Variants in DLGAP1 observed in about 807,000 individuals in gnomAD.
The protein encoded by DLGAP1 is disks large-associated protein 1.
DLGAP1 carries 11 observed loss-of-function variants against 90.8 expected under a neutral mutation model. The observed-to-expected ratio is 0.12, with a 90% CI of 0.08 to 0.20. The LOEUF is 0.20. Ranked by LOEUF, DLGAP1 falls within the 10% of genes least tolerant of loss-of-function variation. The probability of loss-of-function intolerance (pLI) is 1.00; values close to 1 mark genes in which losing one functional copy is unlikely to be tolerated. For synonymous variants in DLGAP1, 558 were observed against 540.7 expected (o/e 1.03, Z -0.44); for missense variants, 1,050 against 1,333.8 (o/e 0.79, Z 3.31).
At chr18:4,199,557 T>C (rs2077568939) in intron 1 of DLGAP1, among the ~76,000 whole-genome samples, 1 of 152,218 alleles carries the variant, frequency 6.6e-6, no homozygotes, top group African/African-American at 2.4e-5. Flanking sequence ...TTCTGGCATA[T>C]GTGAACTGGG....
At chr18:3,889,426 T>C (rs111230603) in intron 3 of DLGAP1, among the ~76,000 whole-genome samples, 19 of 152,238 alleles carry the variant, frequency 1.2e-4, no homozygotes, top group African/African-American at 4.6e-4. Flanking sequence ...TGCATATATA[T>C]ATATATATTT....
intron 2 of DLGAP1, among the ~76,000 whole-genome samples, chr18:4,011,679 C>T (rs2074425210): frequency 6.6e-6 from 1 of 151,974 alleles, no homozygotes; most frequent in South Asian, 2.1e-4. Context: ...AAAAAATTAG[C>T]TGGATGTGGT....
chr18:3,706,061 A>G (rs1428596604), intron 7 of DLGAP1, among the ~76,000 whole-genome samples: 1 of 147,698 alleles, frequency 6.8e-6, no homozygotes, highest in East Asian at 2.0e-4. Context: ...GCCCAGGCGC[A>G]ATCTCTGCTC....
At chr18:4,429,288 T>C (rs115198579) in intron 1 of DLGAP1, among the ~76,000 whole-genome samples, 2,430 of 152,256 alleles carry the variant, frequency 0.016, 77 homozygotes, top group African/African-American at 0.056. Context: ...TTAATAAACA[T>C]AAAGGTATTA....
intron 2 of DLGAP1, among the ~76,000 whole-genome samples, chr18:4,057,198 C>T (rs2075233280): frequency 6.6e-6 from 1 of 152,038 alleles, no homozygotes; most frequent in African/African-American, 2.4e-5. Context: ...TTGATGGCAG[C>T]CAGCACCAGG....
intron 2 of DLGAP1, among the ~76,000 whole-genome samples, chr18:4,110,682 GT>G (rs1384799591): frequency 6.6e-6 from 1 of 152,128 alleles, no homozygotes; most frequent in African/African-American, 2.4e-5. Context: ...ATGAATTATA[GT>G]AGTAATAGTA....
At chr18:4,242,135 T>C (rs2078549536) in intron 1 of DLGAP1, among the ~76,000 whole-genome samples, 1 of 152,174 alleles carries the variant, frequency 6.6e-6, no homozygotes, top group South Asian at 2.1e-4. Flanking sequence ...TAGTAATGTA[T>C]GATTCTGATT....
At chr18:4,283,791 G>T (rs1483267613) in intron 1 of DLGAP1, among the ~76,000 whole-genome samples, 1 of 146,396 alleles carries the variant, frequency 6.8e-6, no homozygotes, top group East Asian at 2.0e-4. Context: ...TAGTTAACAA[G>T]TAATTAGAAA....
chr18:4,144,863 T>G (rs1183273280), intron 2 of DLGAP1, among the ~76,000 whole-genome samples: 2 of 152,250 alleles, frequency 1.3e-5, no homozygotes, highest in African/African-American at 4.8e-5. Flanking sequence ...TTCTTCCAAG[T>G]TGCACCTTTT....
intron 3 of DLGAP1, among the ~76,000 whole-genome samples, chr18:3,919,237 T>C (rs553928143): frequency 6.6e-6 from 1 of 152,308 alleles, no homozygotes; most frequent in Non-Finnish European, 1.5e-5. Flanking sequence ...CTTACCTTTG[T>C]TTGAAGGTAC....
At chr18:3,632,432 G>A (rs1375903497) in intron 7 of DLGAP1, among the ~76,000 whole-genome samples, 2 of 151,886 alleles carry the variant, frequency 1.3e-5, no homozygotes. Flanking sequence ...CTCCGAAGTA[G>A]CTGGGATTAC....
chr18:4,329,924 T>C (rs1335025174), intron 1 of DLGAP1, among the ~76,000 whole-genome samples: 2 of 152,020 alleles, frequency 1.3e-5, no homozygotes, highest in Admixed American at 6.6e-5. Context: ...TTCTATTTTC[T>C]GGAAGGGTTC....
chr18:3,644,382 T>C (rs946987368), intron 7 of DLGAP1, among the ~76,000 whole-genome samples: 2 of 151,146 alleles, frequency 1.3e-5, no homozygotes, highest in African/African-American at 4.9e-5. Flanking sequence ...CAAAATTATA[T>C]GTTTACAATA....
intron 7 of DLGAP1, among the ~76,000 whole-genome samples, chr18:3,692,710 T>C (rs931044022): frequency 6.6e-6 from 1 of 152,238 alleles, no homozygotes; most frequent in African/African-American, 2.4e-5. Flanking sequence ...TGAGTTCACA[T>C]ATACTCCTTG....
chr18:3,685,690 C>A (rs1245068540), intron 7 of DLGAP1, among the ~76,000 whole-genome samples: 1 of 151,744 alleles, frequency 6.6e-6, no homozygotes, highest in African/African-American at 2.4e-5. Flanking sequence ...TTAAGCAATC[C>A]TCCTGCATTG....
chr18:3,722,894 A>T lies in DLGAP1; in HGVS notation c.1591+6241T>A, dbSNP rs146737187. Among the ~76,000 whole-genome samples, 7 of 152,338 alleles carry T rather than the reference A, an allele frequency of 4.6e-5. 1 individual carries two copies. The highest frequency in any genetic ancestry group is 1.7e-4 in the African/African-American group (7 of 41,580). On this transcript the variant is annotated intron_variant, in intron 7 of 12. Coordinates refer to ENST00000315677, the MANE Select transcript of DLGAP1 (RefSeq NM_004746.4). The stretch of plus-strand genomic sequence containing the variant: ...TATACATGAAGAAACTGAAGTTCAG[A>T]TTAACTTCATACTCAAGCAATAAAT...
chr18:3,578,272 T>C lies in DLGAP1; in HGVS notation c.1965+3603A>G, dbSNP rs750285717. 2.6e-5 allele frequency among the ~76,000 whole-genome samples: 4 copies of C among 152,238 alleles called. 1 individual carries two copies. In the Middle Eastern group the frequency reaches 0.01, roughly 388 times the overall value. On this transcript the variant is annotated intron_variant, in intron 8 of 12. Transcript: ENST00000315677. The stretch of plus-strand genomic sequence containing the variant: ...CTAAGAGAGAAAGCATGGAAGGAAG[T>C]CTAAGATTCTAGTGTGACATATTTT...
chr18:3,718,158 A>C (rs530496092), intron 7 of DLGAP1, among the ~76,000 whole-genome samples: 97 of 152,306 alleles, frequency 6.4e-4, no homozygotes, highest in African/African-American at 2.2e-3. Context: ...TAGCAAATGC[A>C]CCATTAATAA....
intron 1 of DLGAP1, among the ~76,000 whole-genome samples, chr18:4,427,849 T>A (rs2083190432): frequency 6.6e-6 from 1 of 152,204 alleles, no homozygotes; most frequent in Non-Finnish European, 1.5e-5. Flanking sequence ...GAGCTCACAG[T>A]TTTTATGGGA....
Sources: gnomAD v4.1 joint callset for allele counts (sites outside exome capture counted in the v4.1 genomes callset) on GRCh38, gnomAD v4.1.1 for gene constraint, MANE v1.5 for transcripts, NCBI Gene and HGNC (gene_info 2026-07-23, HGNC 2026-07-21) for gene names.